PRMT3: variants seen among roughly 807,000 people sequenced by gnomAD.
PRMT3 encodes the protein protein arginine methyltransferase 3, also known as protein arginine N-methyltransferase 3.
In PRMT3, 62 loss-of-function variants were observed where a neutral mutation model predicts 71.9. The observed-to-expected ratio is 0.86, with a 90% CI of 0.70 to 1.07. PRMT3 has a LOEUF of 1.07. Among genes scored for constraint, PRMT3 ranks in the 50% least tolerant of loss-of-function variants. The probability of loss-of-function intolerance (pLI) is 0.00; values close to 1 mark genes in which losing one functional copy is unlikely to be tolerated. For synonymous variants in PRMT3, 213 were observed against 220.4 expected, an observed-to-expected ratio of 0.97 and a Z score of 0.30; for missense variants, 663 against 643.0, an observed-to-expected ratio of 1.03 and a Z score of -0.34.
intron 10 of PRMT3, among the ~76,000 whole-genome samples, chr11:20,446,536 G>C (rs1850034206): frequency 6.6e-6 from 1 of 151,894 alleles, no homozygotes; most frequent in African/African-American, 2.4e-5. Context: ...TTTCCCACAG[G>C]AACATGAAAA....
In PRMT3 at chr11:20,387,797, AC is replaced by A. The variant is rs773030038; in HGVS notation, c.28+26del. 6.5e-7 allele frequency: 1 copy of A among 1,541,314 alleles called. No homozygotes were observed. Among genetic ancestry groups the A allele is most frequent in the African/African-American group, 1.4e-5 (1 of 73,016 alleles). ...CCGGTGGGTACCCTGGCCCCTCAGCACCCGGCTCGTCCAGCCCCAGGCCGCG... is the reference window on the plus strand; with the variant it reads ...CCGGTGGGTACCCTGGCCCCTCAGCACCGGCTCGTCCAGCCCCAGGCCGCG... On this transcript the variant is annotated intron_variant, in intron 1 of 15. Transcript: ENST00000331079. The surrounding 1 kb of genome is among the most constrained non-coding windows in gnomAD (Gnocchi z 4.3).
intron 13 of PRMT3, among the ~76,000 whole-genome samples, chr11:20,490,392 T>C (rs1389223284): frequency 6.6e-6 from 1 of 152,192 alleles, no homozygotes; most frequent in African/African-American, 2.4e-5. Flanking sequence ...TATTTTTTGG[T>C]TACCCAGAAC....
At chr11:20,423,918 C>CT (rs1191527977) in intron 9 of PRMT3, among the ~76,000 whole-genome samples, 161 of 138,332 alleles carry the variant, frequency 1.2e-3, no homozygotes, top group Non-Finnish European at 2.2e-3. Context: ...GGCGCGGTGG[C>CT]TGACGCCTGT....
At chr11:20,496,899 C>T (rs1851346726) in intron 15 of PRMT3, among the ~76,000 whole-genome samples, 1 of 152,126 alleles carries the variant, frequency 6.6e-6, no homozygotes, top group East Asian at 1.9e-4. Flanking sequence ...GGAAATAAAA[C>T]CTTGATGGTG....
intron 10 of PRMT3, among the ~76,000 whole-genome samples, chr11:20,442,382 T>G (rs1194704219): frequency 1.3e-5 from 2 of 152,130 alleles, no homozygotes; most frequent in African/African-American, 4.8e-5. Flanking sequence ...TACTAATTTT[T>G]TAGTAATTTT....
At position 20,408,033 on chromosome 11, in the gene PRMT3, G is replaced by A. The variant is rs1383909004; in HGVS notation, c.893+1G>A. On this transcript the variant is annotated splice_donor_variant, in intron 9 of 15. Transcript: ENST00000331079. LOFTEE classifies it high-confidence loss of function. ...TTTACCAGGCAATGGATATTATAAG[G>A]TACATATATTTTAAGCCTTCATTTA... 2 of 1,536,706 alleles carry A rather than the reference G, an allele frequency of 1.3e-6. No homozygotes were observed. The highest frequency in any genetic ancestry group is 2.0e-5 in the Admixed American group (1 of 51,038).
In PRMT3 at chr11:20,433,350, C is replaced by T. The variant is rs556486793; in HGVS notation, c.993+6485C>T. Among the ~76,000 whole-genome samples the T allele has an allele frequency of 9.3e-4, 142 of 152,216 alleles. 1 individual carries two copies. Among genetic ancestry groups the T allele is most frequent in the Admixed American group, 1.2e-3 (19 of 15,292 alleles). ...ATTAGTTTGCTAAAGATAATGGCCT[C>T]CAGCTCCATCCATGTTCCCACAAAA... On this transcript the variant is annotated intron_variant, in intron 10 of 15. Transcript: ENST00000331079.
chr11:20,390,454 C>T (rs910188912), intron 3 of PRMT3, among the ~76,000 whole-genome samples: 1 of 151,146 alleles, frequency 6.6e-6, no homozygotes, highest in Non-Finnish European at 1.5e-5. Flanking sequence ...TGAAAAAGGA[C>T]GCAGGTCATT....
At chr11:20,421,170 C>T (rs1010764732) in intron 9 of PRMT3, among the ~76,000 whole-genome samples, 9 of 152,022 alleles carry the variant, frequency 5.9e-5, no homozygotes, top group Admixed American at 3.3e-4. Context: ...CTCGAGTAGC[C>T]GGGACCACAG....
In PRMT3 at chr11:20,402,910, C is replaced by T. The variant is rs373344497; in HGVS notation, c.706-9C>T. The stretch of plus-strand genomic sequence containing the variant: ...CTATAAACACAGCGTTTTCCTCTCT[C>T]CACCCTAGGACAAAATACGAACAGA... On this transcript the variant is annotated splice_polypyrimidine_tract_variant and intron_variant, in intron 7 of 15. Coordinates refer to ENST00000331079, the MANE Select transcript of PRMT3 (RefSeq NM_005788.4). 8.9e-5 allele frequency: 143 copies of T among 1,603,296 alleles called. No individual in the cohort carries two copies. In the Middle Eastern group the frequency reaches 2.3e-3, roughly 26 times the overall value.
intron 10 of PRMT3, among the ~76,000 whole-genome samples, chr11:20,436,857 G>A (rs1404366553): frequency 5.3e-5 from 8 of 152,010 alleles, no homozygotes; most frequent in Non-Finnish European, 1.0e-4. Flanking sequence ...GAGAGTAATC[G>A]GTGTTAGTTC....
chr11:20,498,532 A>C (rs1026023892), intron 15 of PRMT3, among the ~76,000 whole-genome samples: 2 of 152,074 alleles, frequency 1.3e-5, no homozygotes, highest in African/African-American at 4.8e-5. Context: ...AGTTCGAGAC[A>C]GGCCTGGGCA....
intron 2 of PRMT3, among the ~76,000 whole-genome samples, chr11:20,388,581 A>G (rs966272886): frequency 2.6e-5 from 4 of 152,262 alleles, no homozygotes; most frequent in African/African-American, 9.6e-5. Context: ...CCTGAACTAG[A>G]TAATCCCTAC....
chr11:20,441,889 T>A (rs1021492354), intron 10 of PRMT3, among the ~76,000 whole-genome samples: 1 of 149,796 alleles, frequency 6.7e-6, no homozygotes, highest in Non-Finnish European at 1.5e-5. Flanking sequence ...GCCCCCCAGG[T>A]TCCAGTGATT....
chr11:20,477,798 A>AG (rs888974236), intron 13 of PRMT3, among the ~76,000 whole-genome samples: 13 of 113,008 alleles, frequency 1.2e-4, no homozygotes, highest in South Asian at 3.6e-4. Flanking sequence ...TTGGCTTAGG[A>AG]GAAACCCCCC....
At chr11:20,440,843 C>G (rs1565213545) in intron 10 of PRMT3, among the ~76,000 whole-genome samples, 1 of 152,120 alleles carries the variant, frequency 6.6e-6, no homozygotes, top group Non-Finnish European at 1.5e-5. Context: ...AATATTTTCT[C>G]CCACTCTGTG....
chr11:20,470,603 T>G (rs527648548), intron 13 of PRMT3, among the ~76,000 whole-genome samples: 7 of 152,178 alleles, frequency 4.6e-5, no homozygotes, highest in Non-Finnish European at 7.3e-5. Flanking sequence ...CCATGGTGTA[T>G]ATGTATATGT....
chr11:20,429,281 T>G (rs1849607361), intron 10 of PRMT3, among the ~76,000 whole-genome samples: 1 of 152,118 alleles, frequency 6.6e-6, no homozygotes, highest in Non-Finnish European at 1.5e-5. Flanking sequence ...CTTGGGCAGT[T>G]CACAATAGGG....
At chr11:20,440,507 A>AAT (rs1395504075) in intron 10 of PRMT3, among the ~76,000 whole-genome samples, 1 of 142,176 alleles carries the variant, frequency 7.0e-6, no homozygotes, top group East Asian at 2.0e-4. Flanking sequence ...AAAAAAAAAA[A>AAT]AAAGAGAAAA....
Sources: allele counts gnomAD v4.1 joint callset (sites outside exome capture counted in the v4.1 genomes callset), GRCh38; gene constraint gnomAD v4.1.1; non-coding constraint Gnocchi (gnomAD v3.1); transcripts MANE v1.5; gene names NCBI Gene and HGNC (gene_info 2026-07-23, HGNC 2026-07-21).